MEIS2: variants seen among roughly 807,000 people sequenced by gnomAD.
MEIS2 encodes the protein Meis homeobox 2, also known as homeobox protein Meis2.
MEIS2 carries 9 observed loss-of-function variants against 58.6 expected under a neutral mutation model. The observed-to-expected ratio is 0.15, with a 90% CI of 0.09 to 0.27. The LOEUF is 0.27. MEIS2 is among the 10% of genes least tolerant of loss of function. The probability of loss-of-function intolerance (pLI) is 1.00; values close to 1 mark genes in which losing one functional copy is unlikely to be tolerated. For synonymous variants in MEIS2, 221 were observed against 228.4 expected (o/e 0.97, Z 0.29); for missense variants, 427 against 635.0 (o/e 0.67, Z 3.52).
intron 7 of MEIS2, among the ~76,000 whole-genome samples, chr15:37,079,852 G>C (rs1207916526): frequency 6.6e-6 from 1 of 152,078 alleles, no homozygotes; most frequent in African/African-American, 2.4e-5. Context: ...ATAGATTCTA[G>C]AATGCTAATG....
intron 7 of MEIS2, among the ~76,000 whole-genome samples, chr15:37,075,480 T>C (rs1482583566): frequency 1.3e-5 from 2 of 152,074 alleles, no homozygotes; most frequent in Non-Finnish European, 2.9e-5. Context: ...TTTGATGGAA[T>C]ATATCCATAC....
In MEIS2 at chr15:37,093,741, G is replaced by T; in HGVS notation, c.490-11C>A. 6.2e-7 allele frequency: 1 copy of T among 1,613,682 alleles called. No individual in the cohort carries two copies. The highest frequency in any genetic ancestry group is 1.3e-5 in the African/African-American group (1 of 75,040). ...GCACAGTTCGTGGACCTAGAACGAA[G>T]GTCATGGTGGAGGGTTTAGCTCATG... On this transcript the variant is annotated splice_polypyrimidine_tract_variant and intron_variant, in intron 5 of 11. Transcript: ENST00000561208.
chr15:36,972,141 G>A (rs769090587), intron 8 of MEIS2, among the ~76,000 whole-genome samples: 19 of 152,078 alleles, frequency 1.2e-4, no homozygotes, highest in Admixed American at 2.0e-4. Context: ...ATGATGTTCC[G>A]TTATGCTGTC....
chr15:37,051,351 G>A (rs2062911173), intron 7 of MEIS2, among the ~76,000 whole-genome samples: 2 of 152,126 alleles, frequency 1.3e-5, no homozygotes, highest in African/African-American at 2.4e-5. Flanking sequence ...AATGGAGAAA[G>A]CCACACGCAA....
chr15:36,894,857 T>A, intron 11 of MEIS2: 1 of 1,422,806 alleles, frequency 7.0e-7, no homozygotes, highest in African/African-American at 1.4e-5. Flanking sequence ...AAATCAGCAA[T>A]AATTGATGGT....
intron 8 of MEIS2, among the ~76,000 whole-genome samples, chr15:36,992,508 C>G (rs2060331676): frequency 6.6e-6 from 1 of 152,104 alleles, no homozygotes; most frequent in African/African-American, 2.4e-5. Flanking sequence ...TATTAGCATA[C>G]AGTGTTTTCT....
intron 7 of MEIS2, among the ~76,000 whole-genome samples, chr15:37,083,509 T>C (rs1892501553): frequency 6.6e-6 from 1 of 152,200 alleles, no homozygotes; most frequent in Admixed American, 6.5e-5. Context: ...AAAGTGTAGA[T>C]AACCAAATTT....
intron 7 of MEIS2, among the ~76,000 whole-genome samples, chr15:37,045,896 C>A (rs1422626590): frequency 6.6e-6 from 1 of 152,166 alleles, no homozygotes; most frequent in Non-Finnish European, 1.5e-5. Context: ...ACCTTTTTCA[C>A]ACTCAAAAGG....
chr15:36,981,025 C>T (rs1403117447), intron 8 of MEIS2, among the ~76,000 whole-genome samples: 1 of 152,082 alleles, frequency 6.6e-6, no homozygotes, highest in African/African-American at 2.4e-5. Context: ...GGCTTCTCCT[C>T]AAAATCTTCT....
chr15:37,036,305 A>T (rs2141733744), intron 8 of MEIS2: 1 of 152,380 alleles, frequency 6.6e-6, no homozygotes, highest in Non-Finnish European at 1.5e-5. Context: ...AATTTGTCAT[A>T]TAAATACATG....
At chr15:37,010,371 G>C (rs1437541545) in intron 8 of MEIS2, among the ~76,000 whole-genome samples, 1 of 151,822 alleles carries the variant, frequency 6.6e-6, no homozygotes, top group African/African-American at 2.4e-5. Context: ...ACAGGCATGA[G>C]CCACCACGCC....
At chr15:36,930,555 C>T (rs1283814045) in intron 9 of MEIS2, among the ~76,000 whole-genome samples, 1 of 152,122 alleles carries the variant, frequency 6.6e-6, no homozygotes, top group East Asian at 1.9e-4. Context: ...TCCTCGGCGT[C>T]TAGGTTTTTA....
intron 8 of MEIS2, among the ~76,000 whole-genome samples, chr15:36,955,189 A>AAT (rs1204366051): frequency 2.0e-5 from 3 of 152,154 alleles, no homozygotes; most frequent in Non-Finnish European, 2.9e-5. Context: ...CTATGAATAG[A>AAT]ATATATATTT....
intron 8 of MEIS2, among the ~76,000 whole-genome samples, chr15:37,001,077 AT>A (rs1290927593): frequency 6.6e-6 from 1 of 152,082 alleles, no homozygotes; most frequent in Non-Finnish European, 1.5e-5. Flanking sequence ...TTGATTATGC[AT>A]TTCTTTTGCA....
At chr15:37,098,464 C>T (rs1011339855) in intron 1 of MEIS2, 6 of 1,079,144 alleles carry the variant, frequency 5.6e-6, no homozygotes, top group Non-Finnish European at 7.1e-6. Context: ...GAGAAAAGTA[C>T]CGAGCACAAG....
At chr15:37,049,468 G>GC (rs2062815403) in intron 7 of MEIS2, among the ~76,000 whole-genome samples, 1 of 147,522 alleles carries the variant, frequency 6.8e-6, no homozygotes, top group Admixed American at 6.8e-5. Context: ...TTGTGGTTTT[G>GC]TTTTTTTTGT....
chr15:37,019,957 A>G (rs1380347854), intron 8 of MEIS2, among the ~76,000 whole-genome samples: 1 of 152,166 alleles, frequency 6.6e-6, no homozygotes, highest in Non-Finnish European at 1.5e-5. Flanking sequence ...ATAGTAATGT[A>G]AAGTGTGGCA....
At chr15:36,916,495 G>T (rs2057288503) in intron 9 of MEIS2, among the ~76,000 whole-genome samples, 1 of 151,198 alleles carries the variant, frequency 6.6e-6, no homozygotes, top group South Asian at 2.1e-4. Context: ...GCAGTGGTGT[G>T]ATCATAGCTC....
At chr15:36,943,706 A>G (rs935231831) in intron 9 of MEIS2, among the ~76,000 whole-genome samples, 3 of 152,046 alleles carry the variant, frequency 2.0e-5, no homozygotes, top group East Asian at 3.9e-4. Context: ...AGAAATATGC[A>G]TCCTGAGATA....
Sources: gnomAD v4.1 joint callset for allele counts (sites outside exome capture counted in the v4.1 genomes callset) on GRCh38, gnomAD v4.1.1 for gene constraint, MANE v1.5 for transcripts, NCBI Gene and HGNC (gene_info 2026-07-23, HGNC 2026-07-21) for gene names.